ZNF236: variants seen among roughly 807,000 people sequenced by gnomAD.
The protein encoded by ZNF236 is zinc finger protein 236, also known as regulated by glucose.
Under a neutral mutation model 191.2 loss-of-function variants are expected in ZNF236, and 50 were observed. That is an observed-to-expected ratio of 0.26 (90% CI 0.21 to 0.33). ZNF236 has a LOEUF of 0.33. Ranked by LOEUF, ZNF236 falls within the 10% of genes least tolerant of loss-of-function variation. The pLI is 1.00. For synonymous variants in ZNF236, 907 were observed against 928.8 expected (o/e 0.98, Z 0.43); for missense variants, 1,754 against 2,374.5 (o/e 0.74, Z 5.43).
At chr18:76,935,526 C>T (rs1051431025) in intron 25 of ZNF236, among the ~76,000 whole-genome samples, 1 of 152,170 alleles carries the variant, frequency 6.6e-6, no homozygotes, top group African/African-American at 2.4e-5. Flanking sequence ...TCTTTGGTTC[C>T]TTTATTTCAG....
At chr18:76,879,456 C>G (rs371339113) in intron 7 of ZNF236, among the ~76,000 whole-genome samples, 1 of 152,134 alleles carries the variant, frequency 6.6e-6, no homozygotes, top group African/African-American at 2.4e-5. Context: ...TAACCAAAGT[C>G]CATAGTTTTT....
Position 76,871,701 on chromosome 18 carries a change from G to A in ZNF236, c.543G>A (p.Arg181=). 6.2e-7 allele frequency: 1 copy of A among 1,614,060 alleles called. No homozygotes were observed. Among genetic ancestry groups the A allele is most frequent in the African/African-American group, 1.3e-5 (1 of 74,986 alleles). Reference sequence around the variant, plus strand: ...ATTTTGCCCCCCTTTATTACACTAGGGTATCAAGTACAAGGTCTTATAACC... The same window carrying A: ...ATTTTGCCCCCCTTTATTACACTAGAGTATCAAGTACAAGGTCTTATAACC... The part of the protein sequence containing the change: ...KEHMKTHYKI[R]VSSTRSYNRN... Residue 181 remains arginine (R), a splice_region_variant and synonymous_variant, in exon 5 of 31, where the codon AGG becomes AGA. Coordinates refer to ENST00000320610, the MANE Select transcript of ZNF236 (RefSeq NM_001306089.2).
intron 11 of ZNF236, among the ~76,000 whole-genome samples, chr18:76,903,385 T>C (rs1977655310): frequency 1.3e-5 from 2 of 152,202 alleles, no homozygotes. Flanking sequence ...GTTCCAGGCA[T>C]GCAGCTAGGA....
At chr18:76,828,238 C>G (rs1975070676) in intron 1 of ZNF236, among the ~76,000 whole-genome samples, 2 of 151,650 alleles carry the variant, frequency 1.3e-5, no homozygotes, top group Non-Finnish European at 2.9e-5. Context: ...ATGATCTTGG[C>G]TCACTGCAAC....
In ZNF236 at chr18:76,966,668, G is replaced by T. The variant is rs2122983056; in HGVS notation, c.5420-1547G>T. Among the ~76,000 whole-genome samples the T allele has an allele frequency of 2.0e-5, 3 of 152,302 alleles. 1 individual carries two copies. The Middle Eastern group carries it at 0.01, about 518-fold the overall frequency. ...CACCAACTGCTCCTGTCTGCATCCT[G>T]TTGACCTGGCACAGACAACACGTGG... On this transcript the variant is annotated intron_variant, in intron 30 of 30. Transcript: ENST00000320610.
At chr18:76,859,371 A>G (rs1258931826) in intron 3 of ZNF236, among the ~76,000 whole-genome samples, 2 of 152,092 alleles carry the variant, frequency 1.3e-5, no homozygotes, top group African/African-American at 2.4e-5. Flanking sequence ...TTAGTGTCTC[A>G]TGAAGTTTTT....
rs113009152 is a variant in ZNF236, at chr18:76,959,033, G to C, written c.5113-654G>C. ...ATTGCACATCCTCAGGTGCCTGCAA[G>C]GGCAGCAGCTATCAGATCTTTGAGA... On this transcript the variant is annotated intron_variant, in intron 28 of 30. Coordinates refer to ENST00000320610, the MANE Select transcript of ZNF236 (RefSeq NM_001306089.2). 3.7e-3 allele frequency among the ~76,000 whole-genome samples: 567 copies of C among 152,370 alleles called. 3 individuals are homozygous for C. The highest frequency in any genetic ancestry group is 6.3e-3 in the Non-Finnish European group (427 of 68,042).
At chr18:76,898,378 C>G (rs1454572295) in intron 10 of ZNF236, among the ~76,000 whole-genome samples, 1 of 152,240 alleles carries the variant, frequency 6.6e-6, no homozygotes, top group East Asian at 1.9e-4. Flanking sequence ...AGGGATCCTC[C>G]TCTGGGCTGA....
In ZNF236 at chr18:76,933,564, T is replaced by TA. The variant is rs113267056; in HGVS notation, c.4595-3580dup. 2.2e-3 allele frequency among the ~76,000 whole-genome samples: 311 copies of TA among 140,328 alleles called. 2 individuals carry two copies. Among genetic ancestry groups the TA allele is most frequent in the East Asian group, 5.3e-3 (26 of 4,910 alleles). 92.1% of individuals were successfully genotyped at this position (140,328 alleles called of 152,430 possible). A position where few individuals can be genotyped will look rare whatever the true frequency, so the allele number is the denominator to read the frequency against. On this transcript the variant is annotated intron_variant, in intron 25 of 30. Transcript: ENST00000320610. ...TTAGCTTATATCCCACTTGTTAAAT[T>TA]AAAAAAAAAAAAGCTTTTCAAGGGA...
chr18:76,955,597 G>A (rs1441404277), intron 27 of ZNF236, among the ~76,000 whole-genome samples: 3 of 152,174 alleles, frequency 2.0e-5, no homozygotes, highest in African/African-American at 4.8e-5. Flanking sequence ...TACCAGTAGC[G>A]AGCATTTAGT....
intron 10 of ZNF236, 143 bp downstream of exon 10, chr18:76,895,428 T>C (rs1182051303): frequency 1.7e-6 from 2 of 1,174,122 alleles, no homozygotes; most frequent in East Asian, 5.1e-5. Context: ...CTGCACAAAG[T>C]ATCACACACA....
chr18:76,892,635 T>G (rs1417096238), intron 9 of ZNF236, among the ~76,000 whole-genome samples: 1 of 152,186 alleles, frequency 6.6e-6, no homozygotes, highest in African/African-American at 2.4e-5. Flanking sequence ...TGGTGCAGTC[T>G]TGGCTCACCA....
chr18:76,923,114 G>C lies in ZNF236; in HGVS notation c.3601G>C (p.Glu1201Gln), dbSNP rs1967583366. 6.2e-7 allele frequency: 1 copy of C among 1,613,938 alleles called. No individual in the cohort carries two copies. Among genetic ancestry groups the C allele is most frequent in the East Asian group, 2.2e-5 (1 of 44,862 alleles). The change falls in exon 21 of 31, where the codon GAA becomes CAA. Residue 1201 changes from glutamate (E) to glutamine (Q), a missense_variant. Physicochemically the swap from Glu to Gln is conservative, Grantham distance 29. Around this residue, in one of 5 missense-constraint regions of ZNF236, gnomAD observed 45 missense variants for 137.4 expected, o/e 0.33. Coordinates refer to ENST00000320610, the MANE Select transcript of ZNF236 (RefSeq NM_001306089.2). ...HTGEKPYKCDECGKSFTVKST... is the reference protein window; with the variant it reads ...HTGEKPYKCDQCGKSFTVKST... ...TGGAGAAAAGCCATACAAATGTGATGAATGTGGAAAGAGTTTTACTGTGAA... is the reference window on the plus strand; with the variant it reads ...TGGAGAAAAGCCATACAAATGTGATCAATGTGGAAAGAGTTTTACTGTGAA...
At chr18:76,934,479 C>T (rs1291269486) in intron 25 of ZNF236, among the ~76,000 whole-genome samples, 1 of 152,180 alleles carries the variant, frequency 6.6e-6, no homozygotes, top group African/African-American at 2.4e-5. Flanking sequence ...TTCTTACCTT[C>T]GTCCACTTTT....
chr18:76,888,885 C>T (rs924414181), intron 9 of ZNF236, among the ~76,000 whole-genome samples: 5 of 152,232 alleles, frequency 3.3e-5, no homozygotes, highest in African/African-American at 4.8e-5. Flanking sequence ...GTCCTCCTGA[C>T]GGCCCAGCTA....
At chr18:76,967,567 G>A (rs1196752184) in intron 30 of ZNF236, among the ~76,000 whole-genome samples, 1 of 84,774 alleles carries the variant, frequency 1.2e-5, no homozygotes, top group Non-Finnish European at 2.5e-5. Flanking sequence ...GTTGGAGGTG[G>A]TGTGATCTGT....
At chr18:76,909,962 G>A (rs902360964) in intron 14 of ZNF236, 106 bp from the exon 15 acceptor site, 4 of 714,840 alleles carry the variant, frequency 5.6e-6, no homozygotes, top group African/African-American at 5.3e-5. Context: ...TTCAAAATAA[G>A]GTGTCTGATA....
intron 30 of ZNF236, among the ~76,000 whole-genome samples, chr18:76,965,396 ACTT>A (rs1438620893): frequency 7.2e-5 from 11 of 151,868 alleles, no homozygotes; most frequent in East Asian, 5.8e-4. Context: ...TAAATCAGGG[ACTT>A]CTTCTGGGTT....
chr18:76,896,254 A>G (rs1263932630), intron 10 of ZNF236, among the ~76,000 whole-genome samples: 1 of 151,712 alleles, frequency 6.6e-6, no homozygotes, highest in Non-Finnish European at 1.5e-5. Context: ...TACTAAATAC[A>G]GGTACTGCAC....
Sources: allele counts gnomAD v4.1 joint callset (sites outside exome capture counted in the v4.1 genomes callset), GRCh38; gene constraint gnomAD v4.1.1; regional missense constraint gnomAD v4.1.1; transcripts MANE v1.5; gene names NCBI Gene and HGNC (gene_info 2026-07-23, HGNC 2026-07-21).